SLC38A1: variants seen among roughly 807,000 people sequenced by gnomAD.
SLC38A1 encodes the protein sodium-coupled neutral amino acid symporter 1.
Under a neutral mutation model 60.3 loss-of-function variants are expected in SLC38A1, and 18 were observed. The observed-to-expected ratio is 0.30, with a 90% CI of 0.21 to 0.44. The LOEUF (loss-of-function observed/expected upper bound fraction) is 0.44. Ranked by LOEUF, SLC38A1 falls within the 20% of genes least tolerant of loss-of-function variation. The pLI, the probability that SLC38A1 is intolerant of heterozygous loss-of-function variation, is 1.00. For synonymous variants in SLC38A1, 196 were observed against 212.1 expected (o/e 0.92, Z 0.66); for missense variants, 448 against 587.2 (o/e 0.76, Z 2.45).
At chr12:46,235,105 A>G (rs1941214056) in intron 3 of SLC38A1, among the ~76,000 whole-genome samples, 1 of 152,246 alleles carries the variant, frequency 6.6e-6, no homozygotes, top group Admixed American at 6.5e-5. Flanking sequence ...TGAACAGACA[A>G]AGCCTTAAAA....
chr12:46,236,951 A>G (rs1424844876), intron 3 of SLC38A1, among the ~76,000 whole-genome samples: 3 of 152,248 alleles, frequency 2.0e-5, no homozygotes, highest in Non-Finnish European at 2.9e-5. Context: ...CATTCCAGGT[A>G]TAGGTTTCTA....
At chr12:46,212,309 CA>C (rs1246623656) in intron 5 of SLC38A1, among the ~76,000 whole-genome samples, 3 of 152,222 alleles carry the variant, frequency 2.0e-5, no homozygotes, top group African/African-American at 7.2e-5. Flanking sequence ...CAGAGGAACA[CA>C]AGTGATTCCT....
intron 3 of SLC38A1, among the ~76,000 whole-genome samples, chr12:46,237,426 GT>G (rs2138194227): frequency 6.7e-6 from 1 of 148,850 alleles, no homozygotes; most frequent in East Asian, 1.9e-4. Flanking sequence ...TTTTAATTGT[GT>G]TAGAGCGAGA....
chr12:46,204,589 C>T lies in SLC38A1; in HGVS notation c.648G>A (p.Gly216=), dbSNP rs1328404757. 6.3e-7 allele frequency: 1 copy of T among 1,585,664 alleles called. No individual in the cohort carries two copies. The highest frequency in any genetic ancestry group is 1.9e-5 in the Admixed American group (1 of 53,566). ...ILPLCLLKNL[G]YLGYTSGFSL... ...AAAATCCACTAGTATAGCCAAGATACCCTTTAAAAAAAAGTAAAAAATAAA... is the reference window on the plus strand; with the variant it reads ...AAAATCCACTAGTATAGCCAAGATATCCTTTAAAAAAAAGTAAAAAATAAA... Residue 216 remains glycine (G), a splice_region_variant and synonymous_variant, in exon 10 of 17, where the codon GGG becomes GGA. Transcript: ENST00000398637.
chr12:46,253,687 G>T (rs1208172613), intron 1 of SLC38A1, among the ~76,000 whole-genome samples: 1 of 152,194 alleles, frequency 6.6e-6, no homozygotes, highest in African/African-American at 2.4e-5. Context: ...ATGCAGCTCA[G>T]TGGCTCTCAG....
intron 5 of SLC38A1, 67 bp from the exon 6 acceptor site, chr12:46,209,194 G>C (rs951641007): frequency 1.8e-6 from 2 of 1,135,562 alleles, no homozygotes; most frequent in Non-Finnish European, 2.6e-6. Flanking sequence ...TTACAGTTTA[G>C]AAGGGCAAAG....
At chr12:46,195,110 A>G (rs1056184373) in intron 16 of SLC38A1, among the ~76,000 whole-genome samples, 1 of 152,056 alleles carries the variant, frequency 6.6e-6, no homozygotes, top group Non-Finnish European at 1.5e-5. Flanking sequence ...TGACCTATAG[A>G]TGGGGATTTG....
intron 5 of SLC38A1, among the ~76,000 whole-genome samples, chr12:46,219,051 C>T (rs1220495395): frequency 6.6e-6 from 1 of 152,206 alleles, no homozygotes; most frequent in African/African-American, 2.4e-5. Context: ...TGCATGACCC[C>T]TAAACTGTAA....
chr12:46,240,485 C>T (rs938436384), intron 2 of SLC38A1, among the ~76,000 whole-genome samples: 2 of 152,178 alleles, frequency 1.3e-5, no homozygotes, highest in African/African-American at 4.8e-5. Flanking sequence ...CGTGAGCCAC[C>T]GCACCCGGCC....
rs1407092703 is a variant in SLC38A1, at chr12:46,187,676, A to G, written c.*1294T>C. The G allele has an allele frequency of 6.6e-6, 1 of 152,094 alleles. No homozygotes were observed. Among genetic ancestry groups the G allele is most frequent in the Non-Finnish European group, 1.5e-5 (1 of 68,050 alleles). 9.4% of individuals were successfully genotyped at this position (152,094 alleles called of 1,614,324 possible). On this transcript the variant is annotated 3_prime_UTR_variant, in exon 17 of 17. Transcript: ENST00000398637. ...GGCACAGTCCTTGGTTGGGGAAGAG[A>G]AGAGGAGACAGCACAGACACTGAGA... is the stretch of plus-strand genomic sequence containing the variant.
intron 1 of SLC38A1, among the ~76,000 whole-genome samples, chr12:46,262,920 A>G (rs1942241965): frequency 6.6e-6 from 1 of 152,178 alleles, no homozygotes; most frequent in African/African-American, 2.4e-5. Flanking sequence ...GATTGGATTA[A>G]TGGCTGCTCT....
At chr12:46,220,101 A>G (rs949924336) in intron 5 of SLC38A1, among the ~76,000 whole-genome samples, 1 of 152,230 alleles carries the variant, frequency 6.6e-6, no homozygotes, top group African/African-American at 2.4e-5. Flanking sequence ...TCTCCTACAC[A>G]TGCCAACTAT....
chr12:46,235,727 T>C (rs1247685284), intron 3 of SLC38A1, among the ~76,000 whole-genome samples: 1 of 152,184 alleles, frequency 6.6e-6, no homozygotes. Context: ...CTCCAAAAGA[T>C]ATATAAAGAC....
chr12:46,220,688 C>A (rs376071789), intron 5 of SLC38A1, among the ~76,000 whole-genome samples: 1 of 152,160 alleles, frequency 6.6e-6, no homozygotes, highest in Non-Finnish European at 1.5e-5. Flanking sequence ...AGGTGTCATT[C>A]AACCTTTTTG....
At chr12:46,230,260 CT>C (rs1941022905) in intron 3 of SLC38A1, among the ~76,000 whole-genome samples, 1 of 152,302 alleles carries the variant, frequency 6.6e-6, no homozygotes, top group African/African-American at 2.4e-5. Flanking sequence ...GGAACAGGCA[CT>C]GGGGAGACAC....
intron 5 of SLC38A1, among the ~76,000 whole-genome samples, chr12:46,218,079 T>C (rs888332624): frequency 3.9e-5 from 6 of 152,220 alleles, no homozygotes; most frequent in Non-Finnish European, 7.3e-5. Flanking sequence ...GTTGGTTCTT[T>C]GTAAAAAAGT....
intron 3 of SLC38A1, among the ~76,000 whole-genome samples, chr12:46,233,941 G>A (rs941320563): frequency 6.6e-6 from 1 of 152,156 alleles, no homozygotes; most frequent in African/African-American, 2.4e-5. Flanking sequence ...AGCTCCCCCT[G>A]CTCCTCCTGA....
At position 46,197,834 on chromosome 12, in the gene SLC38A1, A is replaced by C; in HGVS notation, c.1265-17T>G. 1.3e-6 allele frequency: 2 copies of C among 1,596,588 alleles called. No individual in the cohort carries two copies. Among genetic ancestry groups the C allele is most frequent in the Admixed American group, 3.6e-5 (2 of 55,288 alleles). On this transcript the variant is annotated splice_polypyrimidine_tract_variant and intron_variant, in intron 15 of 16. Transcript: ENST00000398637. ...ATGTAACTCCTGTAAAATAAGACAA[A>C]AGAGAAAGTTTAGCATTGCTATTGT...
At chr12:46,267,614 T>C (rs1942396825) in intron 1 of SLC38A1, 1 of 152,244 alleles carries the variant, frequency 6.6e-6, no homozygotes, top group African/African-American at 2.4e-5. Flanking sequence ...AGGAGGTGGA[T>C]AATTTAGGGG....
Sources: allele counts gnomAD v4.1 joint callset (sites outside exome capture counted in the v4.1 genomes callset), GRCh38; gene constraint gnomAD v4.1.1; transcripts MANE v1.5; gene names NCBI Gene and HGNC (gene_info 2026-07-23, HGNC 2026-07-21).